NRXN3: variants seen among roughly 807,000 people sequenced by gnomAD.
The protein encoded by NRXN3 is neurexin III.
In NRXN3, 32 loss-of-function variants were observed where a neutral mutation model predicts 137.6. The observed-to-expected ratio is 0.23, with a 90% CI of 0.18 to 0.31. The LOEUF is 0.31. Ranked by LOEUF, NRXN3 falls within the 10% of genes least tolerant of loss-of-function variation. NRXN3 has a pLI of 1.00. For synonymous variants in NRXN3, 798 were observed against 784.5 expected, an observed-to-expected ratio of 1.02 and a Z score of -0.29; for missense variants, 1,574 against 2,062.5, an observed-to-expected ratio of 0.76 and a Z score of 4.59.
chr14:78,385,217 A>G (rs576427927), intron 4 of NRXN3, among the ~76,000 whole-genome samples: 2 of 152,084 alleles, frequency 1.3e-5, no homozygotes. Flanking sequence ...AATGAGGGAT[A>G]CTTTTGGATA....
intron 16 of NRXN3, among the ~76,000 whole-genome samples, chr14:79,535,926 C>T (rs142004222): frequency 2.0e-5 from 3 of 152,244 alleles, no homozygotes; most frequent in East Asian, 3.9e-4. Flanking sequence ...TATTCAGTTA[C>T]GTGTTGGAGT....
At chr14:78,465,607 G>A (rs1037704208) in intron 4 of NRXN3, among the ~76,000 whole-genome samples, 1 of 151,928 alleles carries the variant, frequency 6.6e-6, no homozygotes. Context: ...GCGCGATCTC[G>A]GCTCGCTGCA....
At chr14:78,987,075 T>C (rs1235809176) in intron 14 of NRXN3, among the ~76,000 whole-genome samples, 6 of 147,728 alleles carry the variant, frequency 4.1e-5, no homozygotes, top group African/African-American at 1.5e-4. Flanking sequence ...AGAGCAGCAG[T>C]GTGCTGTAGT....
chr14:79,037,272 C>T (rs1436858011), intron 15 of NRXN3, among the ~76,000 whole-genome samples: 1 of 152,094 alleles, frequency 6.6e-6, no homozygotes, highest in Non-Finnish European at 1.5e-5. Flanking sequence ...AAAGTGCGCG[C>T]ATGTGCACAC....
intron 20 of NRXN3, among the ~76,000 whole-genome samples, chr14:79,820,182 G>A (rs1218472674): frequency 1.3e-5 from 2 of 152,174 alleles, no homozygotes; most frequent in African/African-American, 2.4e-5. Flanking sequence ...AGCTTTGTAA[G>A]TTTTGTGAGG....
At chr14:79,640,745 A>G (rs1192416717) in intron 16 of NRXN3, among the ~76,000 whole-genome samples, 1 of 135,770 alleles carries the variant, frequency 7.4e-6, no homozygotes, top group Non-Finnish European at 1.7e-5. Flanking sequence ...CTTTTGTTCT[A>G]CTTGATACGG....
chr14:78,641,378 T>G (rs1231962210), intron 4 of NRXN3, among the ~76,000 whole-genome samples: 1 of 152,162 alleles, frequency 6.6e-6, no homozygotes, highest in Non-Finnish European at 1.5e-5. Context: ...TGATTTGCTC[T>G]TTTAAAGACT....
chr14:79,178,076 G>C (rs1050889886), intron 15 of NRXN3, among the ~76,000 whole-genome samples: 1 of 152,206 alleles, frequency 6.6e-6, no homozygotes, highest in Non-Finnish European at 1.5e-5. Context: ...TCCTCAACCT[G>C]TGTGTAGTAC....
intron 19 of NRXN3, among the ~76,000 whole-genome samples, chr14:79,790,404 G>A (rs1041556663): frequency 1.3e-5 from 2 of 152,078 alleles, no homozygotes; most frequent in Non-Finnish European, 2.9e-5. Flanking sequence ...CCATGCTCGA[G>A]CAATCCTGCT....
chr14:78,539,833 C>T (rs2096571677), intron 4 of NRXN3, among the ~76,000 whole-genome samples: 1 of 152,150 alleles, frequency 6.6e-6, no homozygotes, highest in South Asian at 2.1e-4. Flanking sequence ...TTTCAAAGAA[C>T]ATCTTTATTT....
intron 10 of NRXN3, among the ~76,000 whole-genome samples, chr14:78,853,630 A>G (rs1358544218): frequency 2.0e-5 from 3 of 152,200 alleles, no homozygotes; most frequent in Non-Finnish European, 4.4e-5. Flanking sequence ...CATTCAATGC[A>G]TGGCTACAAT....
intron 15 of NRXN3, among the ~76,000 whole-genome samples, chr14:79,048,406 C>T (rs981346579): frequency 2.0e-5 from 3 of 152,054 alleles, no homozygotes; most frequent in African/African-American, 7.3e-5. Flanking sequence ...ACAAGTTTGG[C>T]TCCAGACCCC....
chr14:78,678,688 A>G (rs1200982432), intron 6 of NRXN3, among the ~76,000 whole-genome samples: 1 of 152,168 alleles, frequency 6.6e-6, no homozygotes, highest in Non-Finnish European at 1.5e-5. Flanking sequence ...GTATAAACCA[A>G]CTCAATATAG....
rs191924172 is a variant in NRXN3, at chr14:79,656,452, G to T, written c.3445-7326G>T. On this transcript the variant is annotated intron_variant, in intron 16 of 20. Transcript: ENST00000335750. ...GTGGATGTTCCGAGTAGATTTGAAGGACGTGATGACTCAGGATGCCAGTTG... is the reference window on the plus strand; with the variant it reads ...GTGGATGTTCCGAGTAGATTTGAAGTACGTGATGACTCAGGATGCCAGTTG... Among the ~76,000 whole-genome samples, 565 of 152,276 alleles carry T rather than the reference G, an allele frequency of 3.7e-3. 5 individuals carry two copies. The highest frequency in any genetic ancestry group is 6.8e-3 in the Middle Eastern group (2 of 294).
In NRXN3 at chr14:78,475,649, A is replaced by C. The variant is rs183424426; in HGVS notation, c.758-169471A>C. On this transcript the variant is annotated intron_variant, in intron 4 of 20. Transcript: ENST00000335750. ...TTACCGCTGACAAATAACAGGGCAG[A>C]CAAAGAGTATTTCAGCCTTACCAAA... 2.7e-3 allele frequency among the ~76,000 whole-genome samples: 415 copies of C among 152,346 alleles called. 3 individuals carry two copies. Among genetic ancestry groups the C allele is most frequent in the African/African-American group, 9.1e-3 (377 of 41,568 alleles).
intron 19 of NRXN3, among the ~76,000 whole-genome samples, chr14:79,780,807 A>C (rs1372363850): frequency 1.3e-5 from 2 of 152,166 alleles, no homozygotes; most frequent in Admixed American, 1.3e-4. Context: ...CTATCATTCA[A>C]CTACCATCGT....
intron 8 of NRXN3, among the ~76,000 whole-genome samples, chr14:78,751,384 A>G (rs1280881748): frequency 2.0e-5 from 3 of 152,170 alleles, no homozygotes; most frequent in Admixed American, 1.3e-4. Flanking sequence ...GGTGATGTGC[A>G]CTTGGGGATA....
chr14:79,376,180 G>GTATATA (rs1247842227), intron 15 of NRXN3, among the ~76,000 whole-genome samples: 2 of 132,546 alleles, frequency 1.5e-5, no homozygotes, highest in African/African-American at 2.8e-5. Context: ...ATATATATGA[G>GTATATA]TATATATACA....
Position 79,753,419 on chromosome 14 carries a change from AG to A in NRXN3, c.4015-51690del, listed in dbSNP as rs759483816. Among the ~76,000 whole-genome samples, 1,416 of 152,072 alleles carry A rather than the reference AG, an allele frequency of 9.3e-3. 13 individuals carry two copies. The highest frequency in any genetic ancestry group is 0.032 in the African/African-American group (1,312 of 41,462). On this transcript the variant is annotated intron_variant, in intron 19 of 20. Transcript: ENST00000335750. ...AAAATGATGAGTTCATGTCCTTTGT[AG>A]GGACATGGATGAAATTGGAAATCAT... is the stretch of plus-strand genomic sequence containing the variant.
Sources: gnomAD v4.1 joint callset for allele counts (sites outside exome capture counted in the v4.1 genomes callset) on GRCh38, gnomAD v4.1.1 for gene constraint, MANE v1.5 for transcripts, NCBI Gene and HGNC (gene_info 2026-07-23, HGNC 2026-07-21) for gene names.